Variants in L3MBTL4 observed in about 807,000 individuals in gnomAD.
L3MBTL4 encodes lethal(3)malignant brain tumor-like protein 4.
Under a neutral mutation model 84.5 loss-of-function variants are expected in L3MBTL4, and 70 were observed. The ratio of observed to expected loss-of-function variants is 0.83; its 90% CI spans 0.68 to 1.01. L3MBTL4 has a LOEUF of 1.01. L3MBTL4 is among the 50% of genes least tolerant of loss of function. The pLI is 0.00. For synonymous variants in L3MBTL4, 274 were observed against 259.8 expected (o/e 1.05, Z -0.52); for missense variants, 715 against 754.8 (o/e 0.95, Z 0.62).
At chr18:6,199,419 C>T (rs546379987) in intron 12 of L3MBTL4, among the ~76,000 whole-genome samples, 1 of 152,190 alleles carries the variant, frequency 6.6e-6, no homozygotes, top group Admixed American at 6.5e-5. Context: ...CCACATGCAG[C>T]GAGTGGCCAA....
intron 1 of L3MBTL4, among the ~76,000 whole-genome samples, chr18:6,408,037 GGAGGGT>G (rs1446178748): frequency 6.6e-6 from 1 of 152,106 alleles, no homozygotes; most frequent in African/African-American, 2.4e-5. Flanking sequence ...CACACAAAAA[GGAGGGT>G]GTCCATGAGT....
chr18:6,149,676 A>C (rs1200980544), intron 13 of L3MBTL4, among the ~76,000 whole-genome samples: 1 of 152,182 alleles, frequency 6.6e-6, no homozygotes, highest in Admixed American at 6.5e-5. Context: ...CAGTGCAAAA[A>C]TGTTCCTATT....
rs145617110 is a variant in L3MBTL4, at chr18:5,981,517, G to T, written c.1445-11955C>A. Among the ~76,000 whole-genome samples, 4 of 152,106 alleles carry T rather than the reference G, an allele frequency of 2.6e-5. No individual in the cohort carries two copies. In the East Asian group the frequency reaches 7.7e-4, roughly 29 times the overall value. ...TTCGTTATGGGATTCAGGTCCTGTCGGAAACTAAGTTCCAAGGGCTAGGTG... is the reference window on the plus strand; with the variant it reads ...TTCGTTATGGGATTCAGGTCCTGTCTGAAACTAAGTTCCAAGGGCTAGGTG... On this transcript the variant is annotated intron_variant, in intron 16 of 18. Coordinates refer to ENST00000317931, the MANE Select transcript of L3MBTL4 (RefSeq NM_001330559.2).
At chr18:5,990,770 G>GGGGTGTGT (rs1239452278) in intron 16 of L3MBTL4, among the ~76,000 whole-genome samples, 1 of 142,366 alleles carries the variant, frequency 7.0e-6, no homozygotes, top group African/African-American at 2.6e-5. Flanking sequence ...GGTTCATGTG[G>GGGGTGTGT]GTGTGTGTGT....
At chr18:6,332,809 A>G (rs1189740028) in intron 1 of L3MBTL4, among the ~76,000 whole-genome samples, 2 of 152,238 alleles carry the variant, frequency 1.3e-5, no homozygotes, top group Non-Finnish European at 2.9e-5. Context: ...TTTCTGGTTC[A>G]GCCATTTCTG....
chr18:6,030,569 T>G (rs1328468174), intron 16 of L3MBTL4: 2 of 778,714 alleles, frequency 2.6e-6, no homozygotes, highest in Admixed American at 6.3e-5. Flanking sequence ...TGGCACGATC[T>G]CAGCTCACTG....
At chr18:6,131,355 C>T (rs902500008) in intron 14 of L3MBTL4, among the ~76,000 whole-genome samples, 11 of 152,126 alleles carry the variant, frequency 7.2e-5, no homozygotes, top group African/African-American at 2.4e-4. Flanking sequence ...TATACCAGTC[C>T]CAGCCAAACC....
At chr18:6,147,473 T>C (rs145946369) in intron 13 of L3MBTL4, among the ~76,000 whole-genome samples, 4 of 152,140 alleles carry the variant, frequency 2.6e-5, no homozygotes, top group African/African-American at 9.6e-5. Flanking sequence ...AACAACAATT[T>C]TGTGAAATGA....
intron 16 of L3MBTL4, among the ~76,000 whole-genome samples, chr18:6,053,048 T>C (rs367920079): frequency 1.3e-5 from 2 of 152,208 alleles, no homozygotes; most frequent in South Asian, 2.1e-4. Context: ...TATCAACCAG[T>C]CCTTGTTCAT....
intron 13 of L3MBTL4, among the ~76,000 whole-genome samples, chr18:6,154,140 A>G (rs2144879221): frequency 6.6e-6 from 1 of 152,086 alleles, no homozygotes; most frequent in South Asian, 2.1e-4. Context: ...CTTGTTTCTG[A>G]TTTTCTATCT....
At chr18:6,090,791 T>C (rs1289896721) in intron 15 of L3MBTL4, among the ~76,000 whole-genome samples, 2 of 65,970 alleles carry the variant, frequency 3.0e-5, no homozygotes, top group Non-Finnish European at 5.3e-5. Context: ...CACCCACCTA[T>C]TTTTTTTTTT....
At chr18:6,372,887 T>C (rs1279720333) in intron 1 of L3MBTL4, among the ~76,000 whole-genome samples, 1 of 152,222 alleles carries the variant, frequency 6.6e-6, no homozygotes, top group African/African-American at 2.4e-5. Context: ...CATAATTATA[T>C]TTTGCAAATA....
chr18:5,956,425 G>A (rs765127998), intron 18 of L3MBTL4, 38 bp from the exon 19 acceptor site: 1 of 1,599,644 alleles, frequency 6.3e-7, no homozygotes, highest in Non-Finnish European at 8.5e-7. Context: ...AAAATGTTTT[G>A]CCACGGAAGC....
chr18:6,307,575 C>T (rs1367410699), intron 3 of L3MBTL4, among the ~76,000 whole-genome samples: 1 of 152,174 alleles, frequency 6.6e-6, no homozygotes, highest in Non-Finnish European at 1.5e-5. Flanking sequence ...CAGACTCAAG[C>T]TCCCGATGAC....
rs761956097 is a variant in L3MBTL4, at chr18:6,129,366, C to CTGTGTGTGTGTG, written c.1199+8827_1199+8828insCACACACACACA. 8.3e-3 allele frequency among the ~76,000 whole-genome samples: 1,148 copies of CTGTGTGTGTGTG among 139,038 alleles called. 6 individuals are homozygous for CTGTGTGTGTGTG. Among genetic ancestry groups the CTGTGTGTGTGTG allele is most frequent in the African/African-American group, 0.019 (669 of 35,020 alleles). The allele number at this position is 139,038 out of a possible 152,430, so 91.2% of individuals were successfully genotyped here. ...ACTCTTAACAATTTACTGGAATTCT[C>CTGTGTGTGTGTG]TCTGTGTGTGTGTGTGTGTGTGTGT... On this transcript the variant is annotated intron_variant, in intron 14 of 18. Coordinates refer to ENST00000317931, the MANE Select transcript of L3MBTL4 (RefSeq NM_001330559.2).
chr18:6,003,106 TAGAG>T (rs1348812357), intron 16 of L3MBTL4, among the ~76,000 whole-genome samples: 1 of 101,852 alleles, frequency 9.8e-6, no homozygotes, highest in South Asian at 2.9e-4. Context: ...TCTCTATTTA[TAGAG>T]ATACTATATA....
intron 13 of L3MBTL4, among the ~76,000 whole-genome samples, chr18:6,161,737 C>G (rs1375005369): frequency 2.6e-5 from 4 of 152,098 alleles, no homozygotes; most frequent in Non-Finnish European, 5.9e-5. Flanking sequence ...TCAACACTGC[C>G]CCGAGGTTCC....
At chr18:6,307,797 G>C (rs2050658365) in intron 3 of L3MBTL4, among the ~76,000 whole-genome samples, 1 of 152,158 alleles carries the variant, frequency 6.6e-6, no homozygotes, top group South Asian at 2.1e-4. Context: ...GAGGTTCACA[G>C]GGAGAGGGAG....
intron 6 of L3MBTL4, among the ~76,000 whole-genome samples, chr18:6,243,978 T>C (rs979183446): frequency 1.1e-4 from 16 of 152,228 alleles, no homozygotes; most frequent in South Asian, 2.1e-4. Flanking sequence ...GTGACTGTTA[T>C]GTTCAATGCT....
Sources: allele counts gnomAD v4.1 joint callset (sites outside exome capture counted in the v4.1 genomes callset), GRCh38; gene constraint gnomAD v4.1.1; transcripts MANE v1.5; gene names NCBI Gene and HGNC (gene_info 2026-07-23, HGNC 2026-07-21).